COL24A1: variants seen among roughly 807,000 people sequenced by gnomAD.
The protein encoded by COL24A1 is collagen type XXIV alpha 1 chain.
Under a neutral mutation model 253.9 loss-of-function variants are expected in COL24A1, and 224 were observed. The ratio of observed to expected loss-of-function variants is 0.88; its 90% CI spans 0.79 to 0.99. The LOEUF is 0.99. Among genes scored for constraint, COL24A1 ranks in the 50% least tolerant of loss-of-function variants. COL24A1 has a pLI of 0.00. For missense variants in COL24A1, 2,131 were observed against 2,068.5 expected, an observed-to-expected ratio of 1.03 and a Z score of -0.59; for synonymous variants, 685 against 673.7, an observed-to-expected ratio of 1.02 and a Z score of -0.26.
chr1:85,947,080 C>T (rs1410114411), intron 24 of COL24A1, among the ~76,000 whole-genome samples: 1 of 152,124 alleles, frequency 6.6e-6, no homozygotes, highest in Non-Finnish European at 1.5e-5. Flanking sequence ...AAGTATTAGT[C>T]CCAATTTTCT....
At chr1:86,091,839 G>A (rs1339783556) in intron 6 of COL24A1, among the ~76,000 whole-genome samples, 2 of 152,064 alleles carry the variant, frequency 1.3e-5, no homozygotes, top group South Asian at 2.1e-4. Flanking sequence ...AGTGGTGACC[G>A]CTTCTCTCAC....
intron 37 of COL24A1, among the ~76,000 whole-genome samples, chr1:85,854,248 G>A (rs894467478): frequency 4.0e-5 from 6 of 151,870 alleles, no homozygotes; most frequent in Non-Finnish European, 5.9e-5. Flanking sequence ...TGTTATTATC[G>A]GCTTTGTCAA....
At chr1:85,745,398 T>C in intron 56 of COL24A1, 43 bp downstream of exon 56, 1 of 1,432,414 alleles carries the variant, frequency 7.0e-7, no homozygotes, top group South Asian at 1.3e-5. Flanking sequence ...TTAATTGGTA[T>C]ATTGAGAGAC....
At chr1:85,951,198 A>G (rs1689881734) in intron 24 of COL24A1, among the ~76,000 whole-genome samples, 1 of 152,182 alleles carries the variant, frequency 6.6e-6, no homozygotes, top group Non-Finnish European at 1.5e-5. Context: ...TACAAAAATA[A>G]GGCATGTGGT....
chr1:85,816,596 A>C (rs1673064511), intron 47 of COL24A1, among the ~76,000 whole-genome samples, 192 bp downstream of exon 47: 1 of 152,234 alleles, frequency 6.6e-6, no homozygotes, highest in African/African-American at 2.4e-5. Context: ...TTAGATATAA[A>C]ATACTGAAGA....
chr1:85,864,634 C>G (rs527869394), intron 37 of COL24A1, among the ~76,000 whole-genome samples: 3 of 152,086 alleles, frequency 2.0e-5, no homozygotes, highest in Non-Finnish European at 4.4e-5. Context: ...ATAATCTTCT[C>G]ATCTTTATGA....
intron 19 of COL24A1, among the ~76,000 whole-genome samples, chr1:86,004,525 GA>G (rs377143938): frequency 6.6e-6 from 1 of 152,052 alleles, no homozygotes; most frequent in Admixed American, 6.5e-5. Context: ...AAAATAATGT[GA>G]AAAAATGGTG....
intron 39 of COL24A1, among the ~76,000 whole-genome samples, chr1:85,845,544 C>G (rs1251808229): frequency 6.6e-6 from 1 of 151,774 alleles, no homozygotes; most frequent in Admixed American, 6.6e-5. Context: ...CTATTCACTG[C>G]TATAGTAGAA....
At chr1:85,801,106 C>T (rs1671380893) in intron 47 of COL24A1, among the ~76,000 whole-genome samples, 2 of 152,170 alleles carry the variant, frequency 1.3e-5, no homozygotes, top group African/African-American at 2.4e-5. Flanking sequence ...CATGACACCA[C>T]ATTCATTTTT....
chr1:85,829,636 C>G (rs313762), intron 43 of COL24A1, among the ~76,000 whole-genome samples: 60,575 of 151,774 alleles, frequency 0.4, 13,465 homozygotes, highest in East Asian at 0.58. Flanking sequence ...TTATTCTTTT[C>G]TCTCTAAACT....
At chr1:85,992,633 T>G (rs1263732571) in intron 19 of COL24A1, among the ~76,000 whole-genome samples, 2 of 152,160 alleles carry the variant, frequency 1.3e-5, no homozygotes, top group Admixed American at 1.3e-4. Flanking sequence ...GTCCATACTT[T>G]TCATTTCTAA....
At chr1:85,955,990 T>G (rs146822315) in intron 24 of COL24A1, among the ~76,000 whole-genome samples, 1 of 152,354 alleles carries the variant, frequency 6.6e-6, no homozygotes, top group East Asian at 1.9e-4. Context: ...TTCACATCTC[T>G]TAAACATTAA....
intron 7 of COL24A1, among the ~76,000 whole-genome samples, chr1:86,072,052 G>C (rs927609898): frequency 6.6e-6 from 1 of 152,192 alleles, no homozygotes; most frequent in African/African-American, 2.4e-5. Context: ...ACACCACCAA[G>C]GGCCTGGGTT....
intron 24 of COL24A1, among the ~76,000 whole-genome samples, chr1:85,946,093 T>G (rs78237210): frequency 1.3e-5 from 2 of 152,122 alleles, no homozygotes; most frequent in African/African-American, 4.8e-5. Flanking sequence ...GCTAAACACT[T>G]GTTTTCCCTC....
At chr1:86,070,672 G>C (rs1186554787) in intron 7 of COL24A1, among the ~76,000 whole-genome samples, 1 of 151,804 alleles carries the variant, frequency 6.6e-6, no homozygotes, top group Admixed American at 6.6e-5. Flanking sequence ...CCAGGAGAGA[G>C]TGGCATGACA....
At position 86,022,300 on chromosome 1, in the gene COL24A1, G is replaced by A. The variant is rs758324477; in HGVS notation, c.2203-7C>T. 1.9e-6 allele frequency: 3 copies of A among 1,539,122 alleles called. No individual in the cohort carries two copies. Among genetic ancestry groups the A allele is most frequent in the South Asian group, 1.1e-5 (1 of 88,878 alleles). ...CTGGTAAACCAACAGCACCCTAAGAGAAGAGAATAACAGAAGAGAAAGTTA... is the reference window on the plus strand; with the variant it reads ...CTGGTAAACCAACAGCACCCTAAGAAAAGAGAATAACAGAAGAGAAAGTTA... On this transcript the variant is annotated splice_polypyrimidine_tract_variant and splice_region_variant and intron_variant, in intron 17 of 59. Coordinates refer to ENST00000370571, the MANE Select transcript of COL24A1 (RefSeq NM_152890.7).
chr1:86,046,557 A>G (rs977011604), intron 12 of COL24A1, among the ~76,000 whole-genome samples: 1 of 152,146 alleles, frequency 6.6e-6, no homozygotes, highest in Non-Finnish European at 1.5e-5. Context: ...TTTCTGTGAC[A>G]TTTTAGCTCC....
chr1:86,097,660 C>T (rs1704109946), intron 5 of COL24A1, among the ~76,000 whole-genome samples: 1 of 139,658 alleles, frequency 7.2e-6, no homozygotes, highest in African/African-American at 2.7e-5. Context: ...CCTCCTCCTC[C>T]CCTTCTCCTC....
At chr1:85,880,228 T>C (rs1319991546) in intron 32 of COL24A1, among the ~76,000 whole-genome samples, 7 of 152,218 alleles carry the variant, frequency 4.6e-5, no homozygotes, top group African/African-American at 1.2e-4. Context: ...CTTGTATATA[T>C]TTTGTTAGAG....
Sources: allele counts gnomAD v4.1 joint callset (sites outside exome capture counted in the v4.1 genomes callset), GRCh38; gene constraint gnomAD v4.1.1; transcripts MANE v1.5; gene names NCBI Gene and HGNC (gene_info 2026-07-23, HGNC 2026-07-21).